GSE1: variants seen among roughly 807,000 people sequenced by gnomAD.
The protein encoded by GSE1 is genetic suppressor element 1.
GSE1 carries 32 observed loss-of-function variants against 112.6 expected under a neutral mutation model. The observed-to-expected ratio is 0.28, with a 90% CI of 0.21 to 0.38. The LOEUF (loss-of-function observed/expected upper bound fraction) is 0.38. Ranked by LOEUF, GSE1 falls within the 10% of genes least tolerant of loss-of-function variation. The pLI is 1.00. For missense variants in GSE1, 2,348 were observed against 1,699.2 expected (o/e 1.38, Z -6.71); for synonymous variants, 1,115 against 735.6 (o/e 1.52, Z -8.35).
upstream of GSE1, chr16:85,611,431 G>C (rs1023911106): frequency 1.0e-6 from 1 of 982,980 alleles, no homozygotes; most frequent in Non-Finnish European, 1.2e-6. Flanking sequence ...GTAAATTATA[G>C]CGTCCGGCCA....
intron 1 of GSE1, among the ~76,000 whole-genome samples, chr16:85,177,619 G>A (rs2074494016): frequency 6.6e-6 from 1 of 152,184 alleles, no homozygotes; most frequent in Non-Finnish European, 1.5e-5. Flanking sequence ...GCCATCTCGT[G>A]CTGTGTTAAG....
intron 1 of GSE1, chr16:85,594,220 A>T (rs1448408572): frequency 1.7e-5 from 1 of 58,912 alleles, no homozygotes; most frequent in African/African-American, 6.8e-5. Context: ...CCTGGGCCCG[A>T]TCCCTGGGGG....
rs573424189 is a variant in GSE1, at chr16:85,544,161, G to T, written c.2465-89753G>T. Among the ~76,000 whole-genome samples, 290 of 152,252 alleles carry T rather than the reference G, an allele frequency of 1.9e-3. 1 individual carries two copies. The highest frequency in any genetic ancestry group is 6.8e-3 in the African/African-American group (283 of 41,554). The stretch of plus-strand genomic sequence containing the variant: ...TAGACATATTTTGATTGTCATGACT[G>T]TGCCGTTCTATTGACATCTCGTGGG... On this transcript the variant is annotated intron_variant, in intron 2 of 2. Coordinates refer to the GSE1 transcript ENST00000637419.
chr16:85,419,930 G>C lies in GSE1; in HGVS notation c.2464+62287G>C, dbSNP rs1044265277. Among the ~76,000 whole-genome samples the C allele has an allele frequency of 6.6e-6, 1 of 152,228 alleles. No individual in the cohort carries two copies. Among genetic ancestry groups the C allele is most frequent in the Admixed American group, 6.5e-5 (1 of 15,288 alleles). Reference sequence around the variant, plus strand: ...GCTGGAACAGAACTGAGGGACAGCAGGGGCAAAGTCTGAGCTAGGAAGGCC... The same window carrying C: ...GCTGGAACAGAACTGAGGGACAGCACGGGCAAAGTCTGAGCTAGGAAGGCC... On this transcript the variant is annotated intron_variant, in intron 2 of 2. Coordinates refer to the GSE1 transcript ENST00000637419. The surrounding 1 kb of genome is among the most constrained non-coding windows in gnomAD (Gnocchi z 6.5).
rs111292010 is a variant in GSE1 at position 85,260,319 on chromosome 16, C to CTTTTTTTTTTTTTTTTTTT, written c.2283+88516_2283+88534dup. ...TATTTTTCCTTTTTCTTTTTCTTTTCTTTTTTTTTTTTTTTTTTTTTTGAG... is the reference window on the plus strand; with the variant it reads ...TATTTTTCCTTTTTCTTTTTCTTTTCTTTTTTTTTTTTTTTTTTTTTTTTTTTTTTTTTTTTTTTTTGAG... On this transcript the variant is annotated intron_variant, in intron 1 of 2. Coordinates refer to the GSE1 transcript ENST00000637419. Among the ~76,000 whole-genome samples the CTTTTTTTTTTTTTTTTTTT allele has an allele frequency of 7.1e-4, 67 of 94,864 alleles. 1 individual carries two copies. The highest frequency in any genetic ancestry group is 1.3e-3 in the African/African-American group (29 of 22,000). The allele number at this position is 94,864 out of a possible 152,430, so 62.2% of individuals were successfully genotyped here. A position where few individuals can be genotyped will look rare whatever the true frequency, so the allele number is the denominator to read the frequency against.
chr16:85,654,947 C>A lies in GSE1; in HGVS notation c.753C>A (p.His251Gln). The change falls in exon 5 of 16, where the codon CAC becomes CAA. Residue 251 changes from histidine (H) to glutamine (Q), a missense_variant. Transcript: ENST00000253458. ...LDPATAAAYY[H>Q]PSYLAPHPFP... ...CGGCCACTGCTGCAGCCTACTACCACCCCAGCTACCTGGCCCCACACCCCT... is the reference window on the plus strand; with the variant it reads ...CGGCCACTGCTGCAGCCTACTACCAACCCAGCTACCTGGCCCCACACCCCT... 1 of 1,609,696 alleles carries A rather than the reference C, an allele frequency of 6.2e-7. No homozygotes were observed. The highest frequency in any genetic ancestry group is 8.5e-7 in the Non-Finnish European group (1 of 1,179,212).
intron 2 of GSE1, among the ~76,000 whole-genome samples, chr16:85,420,875 G>T (rs2048826160): frequency 6.6e-6 from 1 of 152,096 alleles, no homozygotes. Context: ...ACACGGGGGC[G>T]CCCCTACCGG....
At chr16:85,439,099 C>T (rs2049316375) in intron 2 of GSE1, among the ~76,000 whole-genome samples, 1 of 152,256 alleles carries the variant, frequency 6.6e-6, no homozygotes, top group African/African-American at 2.4e-5. Context: ...AGGCCCCCAG[C>T]CAGGGCTGTC....
intron 1 of GSE1, among the ~76,000 whole-genome samples, chr16:85,631,125 C>T (rs1015968097): frequency 1.3e-5 from 2 of 152,222 alleles, no homozygotes; most frequent in East Asian, 3.8e-4. Context: ...CATTGATGTC[C>T]GTGTGGGTCC....
intron 2 of GSE1, among the ~76,000 whole-genome samples, chr16:85,508,235 T>C (rs965058120): frequency 7.2e-5 from 11 of 152,196 alleles, no homozygotes; most frequent in Non-Finnish European, 1.3e-4. Context: ...GGTTTCACCA[T>C]GTTGGCCAGG....
intron 12 of GSE1, among the ~76,000 whole-genome samples, chr16:85,665,434 T>C (rs1213610083): frequency 6.6e-6 from 1 of 152,140 alleles, no homozygotes; most frequent in African/African-American, 2.4e-5. Context: ...TGGAGGCCAA[T>C]CCAATGGTAC....
chr16:85,626,997 C>G (rs1002712772), intron 1 of GSE1, among the ~76,000 whole-genome samples: 1 of 144,124 alleles, frequency 6.9e-6, no homozygotes, highest in African/African-American at 2.6e-5. Context: ...GCTGGGCCAG[C>G]CAGCCTTGTC....
Position 85,613,353 on chromosome 16 carries a change from C to A in GSE1, c.-39C>A, listed in dbSNP as rs931186503. 6.4e-7 allele frequency: 1 copy of A among 1,567,162 alleles called. No homozygotes were observed. The highest frequency in any genetic ancestry group is 1.9e-5 in the Admixed American group (1 of 53,940). ...GACAAACACTGGGCGACGGTGGCTCCAGCATGTATCAGCCGAGGTGGAGCT... is the reference window on the plus strand; with the variant it reads ...GACAAACACTGGGCGACGGTGGCTCAAGCATGTATCAGCCGAGGTGGAGCT... On this transcript the variant is annotated 5_prime_UTR_variant, in exon 1 of 16. Coordinates refer to ENST00000253458, the MANE Select transcript of GSE1 (RefSeq NM_014615.5).
At position 85,492,067 on chromosome 16, in the gene GSE1, G is replaced by A. The variant is rs142071231; in HGVS notation, c.2464+134424G>A. 5.0e-3 allele frequency among the ~76,000 whole-genome samples: 765 copies of A among 152,326 alleles called. 4 individuals are homozygous for A. Among genetic ancestry groups the A allele is most frequent in the Middle Eastern group, 0.02 (6 of 294 alleles). On this transcript the variant is annotated intron_variant, in intron 2 of 2. Coordinates refer to the GSE1 transcript ENST00000637419. The stretch of plus-strand genomic sequence containing the variant: ...GGACACGGGCAGCCAGGCCTGGAGA[G>A]CTGGCTACCACTGGACACGCCCGCC...
At chr16:85,587,318 A>G (rs2046752501) in intron 1 of GSE1, among the ~76,000 whole-genome samples, 2 of 152,214 alleles carry the variant, frequency 1.3e-5, no homozygotes, top group African/African-American at 4.8e-5. Context: ...GAAAATGAAA[A>G]TACATGCAGT....
intron 2 of GSE1, among the ~76,000 whole-genome samples, chr16:85,387,459 G>A (rs542101978): frequency 2.0e-5 from 3 of 152,300 alleles, no homozygotes; most frequent in East Asian, 1.9e-4. Context: ...TTCAGCCTGC[G>A]ATGCTCTTTC....
intron 2 of GSE1, among the ~76,000 whole-genome samples, chr16:85,422,902 C>T (rs947121269): frequency 1.3e-5 from 2 of 152,162 alleles, no homozygotes; most frequent in African/African-American, 2.4e-5. Context: ...GGCCGCACCC[C>T]GCTTGCTCAC....
intron 2 of GSE1, among the ~76,000 whole-genome samples, chr16:85,413,700 CAT>C (rs914459583): frequency 3.3e-5 from 5 of 152,278 alleles, no homozygotes; most frequent in African/African-American, 1.2e-4. Context: ...AGGAATTTAA[CAT>C]AGAGAATCCT....
chr16:85,213,267 CAA>C (rs1209853671), intron 1 of GSE1, among the ~76,000 whole-genome samples: 34 of 80,084 alleles, frequency 4.2e-4, no homozygotes, highest in Admixed American at 5.5e-4. Context: ...GACTCTGTTT[CAA>C]AAAAAAAAAA....
Sources: gnomAD v4.1 joint callset for allele counts (sites outside exome capture counted in the v4.1 genomes callset) on GRCh38, gnomAD v4.1.1 for gene constraint, Gnocchi (gnomAD v3.1) non-coding constraint, MANE v1.5 for transcripts, NCBI Gene and HGNC (gene_info 2026-07-23, HGNC 2026-07-21) for gene names.